The following PPFIBP1 variants were observed in gnomAD, a reference collection of about 807,000 sequenced individuals.
PPFIBP1 encodes PPFIB scaffold protein 1.
PPFIBP1 carries 112 observed loss-of-function variants against 137.8 expected under a neutral mutation model. The ratio of observed to expected loss-of-function variants is 0.81; its 90% CI spans 0.70 to 0.95. The LOEUF is 0.95. Ranked by LOEUF, PPFIBP1 falls within the 40% of genes least tolerant of loss-of-function variation. The pLI is 0.00. For synonymous variants in PPFIBP1, 378 were observed against 417.3 expected, an observed-to-expected ratio of 0.91 and a Z score of 1.15; for missense variants, 1,083 against 1,196.6, an observed-to-expected ratio of 0.91 and a Z score of 1.40.
rs1450697914 is a variant in PPFIBP1 at position 27,681,774 on chromosome 12, A to AG, written c.2046+79dup. On this transcript the variant is annotated intron_variant, in intron 22 of 29. Coordinates refer to ENST00000228425, the MANE Select transcript of PPFIBP1 (RefSeq NM_003622.4). ...TGAATGTAGGGTTGTTTTATAGTCC[A>AG]GAAAGGGCCATGAGTGAAGCCAGTA... 6.6e-6 allele frequency: 10 copies of AG among 1,514,470 alleles called. No homozygotes were observed. In the Admixed American group the frequency reaches 9.5e-5, roughly 14 times the overall value. The allele number at this position is 1,514,470 out of a possible 1,614,324, so 93.8% of individuals were successfully genotyped here.
chr12:27,644,243 A>AGTTTTTTTTTTTTT (rs2058314100), intron 4 of PPFIBP1, among the ~76,000 whole-genome samples: 1 of 50,864 alleles, frequency 2.0e-5, no homozygotes, highest in Non-Finnish European at 3.8e-5. Context: ...AGCTTGGCTA[A>AGTTTTTTTTTTTTT]GTTTTTTTTT....
chr12:27,632,630 C>CCTAG (rs2057342839), intron 2 of PPFIBP1, among the ~76,000 whole-genome samples: 1 of 152,136 alleles, frequency 6.6e-6, no homozygotes, highest in Admixed American at 6.5e-5. Context: ...GTTAGACAGA[C>CCTAG]CTAGGTTAGA....
At chr12:27,633,332 G>A in intron 2 of PPFIBP1, 30 bp from the exon 3 acceptor site, 1 of 1,450,144 alleles carries the variant, frequency 6.9e-7, no homozygotes, top group Non-Finnish European at 9.7e-7. Context: ...GTCATTTAAT[G>A]GATGTAATGA....
rs1176450277 is a variant in PPFIBP1 at position 27,694,724 on chromosome 12, T to A, written c.*1842T>A. On this transcript the variant is annotated 3_prime_UTR_variant, in exon 30 of 30. Coordinates refer to ENST00000228425, the MANE Select transcript of PPFIBP1 (RefSeq NM_003622.4). ...TATATTTGTAGAAGTATTAGAAAAA[T>A]ATTCTATTTTTTATTCAGTGCTGCG... 6.6e-6 allele frequency: 1 copy of A among 152,102 alleles called. No individual in the cohort carries two copies. Among genetic ancestry groups the A allele is most frequent in the Non-Finnish European group, 1.5e-5 (1 of 68,018 alleles). 9.4% of individuals were successfully genotyped at this position (152,102 alleles called of 1,614,324 possible).
chr12:27,689,149 A>C lies in PPFIBP1; in HGVS notation c.2631A>C (p.Arg877=), dbSNP rs1566023496. 3 of 1,600,228 alleles carry C rather than the reference A, an allele frequency of 1.9e-6. No individual in the cohort carries two copies. Among genetic ancestry groups the C allele is most frequent in the Non-Finnish European group, 2.5e-6 (3 of 1,176,488 alleles). ...GGGCTGAGGCACAGCACCAGAAGCG[A>C]GATGCCATGGAGCTGCCGGATTATG... ...LIGAEAQHQK[R]DAMELPDYVL... The change falls in exon 27 of 30, where the codon CGA becomes CGC. Residue 877 remains arginine, a synonymous_variant. Transcript: ENST00000228425.
At position 27,692,932 on chromosome 12, in the gene PPFIBP1, C is replaced by A. The variant is rs1309098105; in HGVS notation, c.*50C>A. Reference sequence around the variant, plus strand: ...GAGTGCTTAGTCTTTTTTCTACTTGCTTTTCCAAACACTCACAGTATATAC... The same window carrying A: ...GAGTGCTTAGTCTTTTTTCTACTTGATTTTCCAAACACTCACAGTATATAC... On this transcript the variant is annotated 3_prime_UTR_variant, in exon 30 of 30. Transcript: ENST00000228425. The A allele has an allele frequency of 6.2e-7, 1 of 1,606,630 alleles. No individual in the cohort carries two copies. The highest frequency in any genetic ancestry group is 1.7e-5 in the Admixed American group (1 of 58,988).
chr12:27,655,514 T>C (rs2059143626), intron 8 of PPFIBP1, among the ~76,000 whole-genome samples: 1 of 152,234 alleles, frequency 6.6e-6, no homozygotes, highest in Non-Finnish European at 1.5e-5. Flanking sequence ...AAAATAATTG[T>C]AAACATTCGC....
chr12:27,587,290 T>C (rs2051880212), intron 2 of PPFIBP1, among the ~76,000 whole-genome samples: 1 of 152,102 alleles, frequency 6.6e-6, no homozygotes, highest in South Asian at 2.1e-4. Context: ...TTATTTAGAG[T>C]AAATGTTTTA....
chr12:27,538,470 G>A (rs1945295438), intron 1 of PPFIBP1, among the ~76,000 whole-genome samples: 1 of 152,164 alleles, frequency 6.6e-6, no homozygotes, highest in South Asian at 2.1e-4. Flanking sequence ...TAATTATGAC[G>A]TAGCACTAGC....
At chr12:27,649,290 CTA>C (rs2058730637) in intron 6 of PPFIBP1, among the ~76,000 whole-genome samples, 1 of 152,214 alleles carries the variant, frequency 6.6e-6, no homozygotes, top group South Asian at 2.1e-4. Flanking sequence ...CTCTCTGTTA[CTA>C]TGTTTCCTCA....
rs370198221 is a variant in PPFIBP1 at position 27,576,687 on chromosome 12, GT to G, written c.-123-1463del. 1.5e-3 allele frequency among the ~76,000 whole-genome samples: 232 copies of G among 152,312 alleles called. 1 individual carries two copies. Among genetic ancestry groups the G allele is most frequent in the Non-Finnish European group, 2.7e-3 (185 of 68,022 alleles). ...TGGATTTTGGTGTTAGATCAGCTGTGTTGTGGACTGACTGGGATTTTCTGCA... is the reference window on the plus strand; with the variant it reads ...TGGATTTTGGTGTTAGATCAGCTGTGTGTGGACTGACTGGGATTTTCTGCA... On this transcript the variant is annotated intron_variant, in intron 1 of 29. Coordinates refer to ENST00000228425, the MANE Select transcript of PPFIBP1 (RefSeq NM_003622.4).
chr12:27,564,776 G>A (rs1265570701), intron 1 of PPFIBP1, among the ~76,000 whole-genome samples: 1 of 152,012 alleles, frequency 6.6e-6, no homozygotes, highest in Admixed American at 6.6e-5. Flanking sequence ...TTCCTAATCT[G>A]CTCTTTGTTC....
chr12:27,632,096 A>G (rs2057309960), intron 2 of PPFIBP1, among the ~76,000 whole-genome samples: 1 of 152,178 alleles, frequency 6.6e-6, no homozygotes, highest in African/African-American at 2.4e-5. Flanking sequence ...GATAAATGGT[A>G]GTGATATTTT....
chr12:27,690,062 C>G (rs1396696379), intron 27 of PPFIBP1, among the ~76,000 whole-genome samples: 3 of 152,112 alleles, frequency 2.0e-5, no homozygotes, highest in Non-Finnish European at 4.4e-5. Context: ...CCAGACCTCT[C>G]TTTTCTCAGG....
At chr12:27,633,855 T>TTTTTTG in intron 3 of PPFIBP1, among the ~76,000 whole-genome samples, 1 of 148,580 alleles carries the variant, frequency 6.7e-6, no homozygotes, top group Non-Finnish European at 1.5e-5. Context: ...TTTTTTTTTT[T>TTTTTTG]GAGATGGAGT....
At position 27,692,791 on chromosome 12, in the gene PPFIBP1, T is replaced by A. The variant is rs1009957312; in HGVS notation, c.2932-5T>A. The A allele has an allele frequency of 6.2e-7, 1 of 1,614,036 alleles. No homozygotes were observed. Among genetic ancestry groups the A allele is most frequent in the Non-Finnish European group, 8.5e-7 (1 of 1,180,000 alleles). Reference sequence around the variant, plus strand: ...AGTGTGACTCCCTGTCTCCTTGTTTTCCAGCACATGTTAAAAGAAGATGAC... The same window carrying A: ...AGTGTGACTCCCTGTCTCCTTGTTTACCAGCACATGTTAAAAGAAGATGAC... On this transcript the variant is annotated splice_polypyrimidine_tract_variant and splice_region_variant and intron_variant, in intron 29 of 29. Coordinates refer to ENST00000228425, the MANE Select transcript of PPFIBP1 (RefSeq NM_003622.4).
intron 2 of PPFIBP1, among the ~76,000 whole-genome samples, chr12:27,601,767 C>T (rs2054021946): frequency 6.6e-6 from 1 of 152,214 alleles, no homozygotes; most frequent in African/African-American, 2.4e-5. Flanking sequence ...ACTTTACCAT[C>T]TAGCACGGCC....
chr12:27,565,638 C>T (rs748013111), intron 1 of PPFIBP1, among the ~76,000 whole-genome samples: 9 of 152,188 alleles, frequency 5.9e-5, no homozygotes, highest in Non-Finnish European at 1.2e-4. Flanking sequence ...AATGACTCCT[C>T]CTTCTGTGCT....
intron 4 of PPFIBP1, among the ~76,000 whole-genome samples, chr12:27,645,143 C>G (rs2058382796): frequency 6.6e-6 from 1 of 152,152 alleles, no homozygotes. Flanking sequence ...GTGGCCCCAT[C>G]TAACACTTTC....
Sources: allele counts gnomAD v4.1 joint callset (sites outside exome capture counted in the v4.1 genomes callset), GRCh38; gene constraint gnomAD v4.1.1; transcripts MANE v1.5; gene names NCBI Gene and HGNC (gene_info 2026-07-23, HGNC 2026-07-21).